GPRIN3: variants seen among roughly 807,000 people sequenced by gnomAD.
GPRIN3 encodes G protein-regulated inducer of neurite outgrowth 3.
Under a neutral mutation model 13.7 loss-of-function variants are expected in GPRIN3, and 12 were observed. The observed-to-expected ratio is 0.87, with a 90% confidence interval of 0.56 to 1.42. The LOEUF (loss-of-function observed/expected upper bound fraction) is 1.42, where lower values mean the gene tolerates loss of function less well. GPRIN3 is among the 40% of genes most tolerant of loss of function. The pLI is 0.00. For synonymous variants in GPRIN3, 377 were observed against 372.7 expected (o/e 1.01, Z -0.13); for missense variants, 1,009 against 958.7 (o/e 1.05, Z -0.69).
At chr4:89,273,673 G>A (rs916917532) in intron 1 of GPRIN3, among the ~76,000 whole-genome samples, 1 of 152,220 alleles carries the variant, frequency 6.6e-6, no homozygotes, top group South Asian at 2.1e-4. Flanking sequence ...GTGACAGAGT[G>A]AGACTCCGTC....
At chr4:89,302,221 G>A (rs557061826) in intron 1 of GPRIN3, among the ~76,000 whole-genome samples, 2 of 152,232 alleles carry the variant, frequency 1.3e-5, no homozygotes, top group African/African-American at 4.8e-5. Flanking sequence ...CCCTCACCAT[G>A]GAGAAAACTC....
chr4:89,268,951 T>C (rs548751500), intron 1 of GPRIN3, among the ~76,000 whole-genome samples: 6 of 152,284 alleles, frequency 3.9e-5, no homozygotes, highest in African/African-American at 1.4e-4. Flanking sequence ...ACATAACCCT[T>C]GAATGACTGT....
rs986320230 is a variant in GPRIN3 at position 89,249,130 on chromosome 4, A to G, written c.981T>C (p.Ser327=). 2 of 1,613,472 alleles carry G rather than the reference A, an allele frequency of 1.2e-6. No individual in the cohort carries two copies. Among genetic ancestry groups the G allele is most frequent in the African/African-American group, 2.7e-5 (2 of 74,696 alleles). Reference sequence around the variant, plus strand: ...TGGTGGAGACGGATCTGCTCTCGACACTCGCCACTGCCTGCACCTCCGCAT... The same window carrying G: ...TGGTGGAGACGGATCTGCTCTCGACGCTCGCCACTGCCTGCACCTCCGCAT... ...WQDAEVQAVA[S]VESRSVSTSP... Residue 327 remains serine, a synonymous_variant, in exon 2 of 2, where the codon AGT becomes AGC. Transcript: ENST00000609438.
Position 89,242,297 on chromosome 4 carries a change from T to C in GPRIN3, c.*5483A>G, listed in dbSNP as rs1329493591. 6.6e-6 allele frequency: 1 copy of C among 152,230 alleles called. No individual in the cohort carries two copies. Among genetic ancestry groups the C allele is most frequent in the Non-Finnish European group, 1.5e-5 (1 of 68,038 alleles). The allele number at this position is 152,230 out of a possible 1,614,324, so 9.4% of individuals were successfully genotyped here. On this transcript the variant is annotated 3_prime_UTR_variant, in exon 2 of 2. Coordinates refer to ENST00000609438, the MANE Select transcript of GPRIN3 (RefSeq NM_198281.3). ...TCTTTGGATACAAGATCTCATGTTT[T>C]AGTGATTTTACATCCGGGAGCCCAT...
Position 89,249,735 on chromosome 4 carries a change from A to T in GPRIN3, c.376T>A (p.Leu126Met). 6.2e-7 allele frequency: 1 copy of T among 1,614,142 alleles called. No individual in the cohort carries two copies. The highest frequency in any genetic ancestry group is 8.5e-7 in the Non-Finnish European group (1 of 1,180,016). ...GTGTGCTGATTGGCGGGCATTGTCAATGGTGTGTGTATAAGATCCCTTCCT... is the reference window on the plus strand; with the variant it reads ...GTGTGCTGATTGGCGGGCATTGTCATTGGTGTGTGTATAAGATCCCTTCCT... ...AAGRDLIHTPLTMPANQHTCQ... is the reference protein window; with the variant it reads ...AAGRDLIHTPMTMPANQHTCQ... Residue 126 changes from leucine (L) to methionine (M), a missense_variant, in exon 2 of 2, where the codon TTG (leucine) becomes ATG (methionine). Transcript: ENST00000609438.
At position 89,239,258 on chromosome 4, in the gene GPRIN3, G is replaced by T. The variant is rs953968520; in HGVS notation, c.*8522C>A. Reference sequence around the variant, plus strand: ...TATACCACACTTTTGATCTTTCTTAGTTGAGTATTTACACACATAAATGAT... The same window carrying T: ...TATACCACACTTTTGATCTTTCTTATTTGAGTATTTACACACATAAATGAT... On this transcript the variant is annotated 3_prime_UTR_variant, in exon 2 of 2. Transcript: ENST00000609438. The T allele has an allele frequency of 6.6e-6, 1 of 151,764 alleles. No homozygotes were observed. The highest frequency in any genetic ancestry group is 1.5e-5 in the Non-Finnish European group (1 of 67,908). The allele number at this position is 151,764 out of a possible 1,614,324, so 9.4% of individuals were successfully genotyped here.
At chr4:89,292,046 A>C (rs1373082695) in intron 1 of GPRIN3, among the ~76,000 whole-genome samples, 1 of 152,148 alleles carries the variant, frequency 6.6e-6, no homozygotes, top group African/African-American at 2.4e-5. Context: ...CTTTGTGTAC[A>C]TGAAGCTCTG....
At chr4:89,287,039 G>A (rs1353593228) in intron 1 of GPRIN3, among the ~76,000 whole-genome samples, 2 of 152,148 alleles carry the variant, frequency 1.3e-5, no homozygotes, top group South Asian at 4.1e-4. Context: ...AGAATCTTGA[G>A]GAATTCAGTA....
In GPRIN3 at chr4:89,248,488, T is replaced by G. The variant is rs747903894; in HGVS notation, c.1623A>C (p.Ala541=). 2 of 1,612,650 alleles carry G rather than the reference T, an allele frequency of 1.2e-6. No individual in the cohort carries two copies. Among genetic ancestry groups the G allele is most frequent in the Non-Finnish European group, 1.7e-6 (2 of 1,179,360 alleles). ...NKGDAREKKP[A]SPQVVKEKES... ...CTTTTTCTTTTACTACCTGAGGAGATGCAGGCTTCTTTTCCCTTGCATCTC... is the reference window on the plus strand; with the variant it reads ...CTTTTTCTTTTACTACCTGAGGAGAGGCAGGCTTCTTTTCCCTTGCATCTC... The change falls in exon 2 of 2, where the codon GCA becomes GCC. Residue 541 remains alanine (A), a synonymous_variant. Coordinates refer to ENST00000609438, the MANE Select transcript of GPRIN3 (RefSeq NM_198281.3).
intron 1 of GPRIN3, among the ~76,000 whole-genome samples, chr4:89,300,531 C>A (rs987293873): frequency 6.6e-6 from 1 of 152,064 alleles, no homozygotes; most frequent in Non-Finnish European, 1.5e-5. Context: ...CCACAGACTG[C>A]CAGTTTTCAA....
At position 89,247,806 on chromosome 4, in the gene GPRIN3, G is replaced by T; in HGVS notation, c.2305C>A (p.Pro769Thr). Reference sequence around the variant, plus strand: ...CAATCTAACACAGAAGACGGGGCAGGACGGACGCAGCAGTTGGGGCGTCGG... The same window carrying T: ...CAATCTAACACAGAAGACGGGGCAGTACGGACGCAGCAGTTGGGGCGTCGG... Reference protein sequence around the residue: ...NFRRPNCCVRPAPSSVLD With the variant: ...NFRRPNCCVRTAPSSVLD The change falls in exon 2 of 2, where the codon CCT becomes ACT. Residue 769 changes from proline to threonine, a missense_variant. By Grantham distance (38) the Pro-to-Thr change is conservative (BLOSUM62 -1). Transcript: ENST00000609438. The T allele has an allele frequency of 6.2e-7, 1 of 1,613,304 alleles. No homozygotes were observed. Among genetic ancestry groups the T allele is most frequent in the Non-Finnish European group, 8.5e-7 (1 of 1,179,364 alleles).
chr4:89,262,522 G>A (rs1387539474), intron 1 of GPRIN3, among the ~76,000 whole-genome samples: 2 of 152,182 alleles, frequency 1.3e-5, no homozygotes, highest in Non-Finnish European at 2.9e-5. Context: ...GCACGCTGAC[G>A]TTTCTGTCAG....
At chr4:89,286,916 A>G (rs1578107399) in intron 1 of GPRIN3, among the ~76,000 whole-genome samples, 1 of 152,136 alleles carries the variant, frequency 6.6e-6, no homozygotes, top group Non-Finnish European at 1.5e-5. Context: ...ACTTGAGCCC[A>G]GGAGTTTGAG....
chr4:89,263,869 GTTC>G (rs1261809063), intron 1 of GPRIN3, among the ~76,000 whole-genome samples: 1 of 152,172 alleles, frequency 6.6e-6, no homozygotes, highest in Non-Finnish European at 1.5e-5. Flanking sequence ...CCAAACTCAT[GTTC>G]TTAAGTGTCT....
At position 89,258,030 on chromosome 4, in the gene GPRIN3, G is replaced by A. The variant is rs185620287; in HGVS notation, c.-123-7797C>T. Among the ~76,000 whole-genome samples the A allele has an allele frequency of 9.4e-4, 143 of 151,718 alleles. 1 individual carries two copies. Among genetic ancestry groups the A allele is most frequent in the African/African-American group, 3.3e-3 (136 of 41,464 alleles). On this transcript the variant is annotated intron_variant, in intron 1 of 1. Coordinates refer to ENST00000609438, the MANE Select transcript of GPRIN3 (RefSeq NM_198281.3). Reference sequence around the variant, plus strand: ...AAGGTTTACGCTCAGTGTTTTAGGGGAGGGAAAATTCTTTTTCCTCTTACC... The same window carrying A: ...AAGGTTTACGCTCAGTGTTTTAGGGAAGGGAAAATTCTTTTTCCTCTTACC...
chr4:89,288,923 A>G (rs980052242), intron 1 of GPRIN3, among the ~76,000 whole-genome samples: 6 of 152,100 alleles, frequency 3.9e-5, no homozygotes, highest in African/African-American at 1.2e-4. Flanking sequence ...CAGTTTTAAG[A>G]TCAAGAAACA....
chr4:89,257,851 AATACAGAAATCCG>A (rs377197637), intron 1 of GPRIN3, among the ~76,000 whole-genome samples: 27 of 152,242 alleles, frequency 1.8e-4, no homozygotes, highest in Middle Eastern at 6.8e-3. Flanking sequence ...TCAATTGGGC[AATACAGAAATCCG>A]ATACAGAAAT....
intron 1 of GPRIN3, among the ~76,000 whole-genome samples, chr4:89,282,594 ATTT>A (rs11306317): frequency 0.023 from 3,057 of 135,562 alleles, 101 homozygotes; most frequent in African/African-American, 0.071. Flanking sequence ...TTTTTTTGCA[ATTT>A]TTTTTTTTTT....
chr4:89,254,128 GGTGTGT>G (rs57642647), intron 1 of GPRIN3, among the ~76,000 whole-genome samples: 1 of 147,646 alleles, frequency 6.8e-6, no homozygotes, highest in African/African-American at 2.5e-5. Flanking sequence ...GTTGCATCTG[GGTGTGT>G]GTGTGTGTGT....
Sources: gnomAD v4.1 joint callset for allele counts (sites outside exome capture counted in the v4.1 genomes callset) on GRCh38, gnomAD v4.1.1 for gene constraint, MANE v1.5 for transcripts, NCBI Gene and HGNC (gene_info 2026-07-23, HGNC 2026-07-21) for gene names.